ZSWIM5: variants seen among roughly 807,000 people sequenced by gnomAD.
ZSWIM5 encodes zinc finger SWIM-type containing 5.
Under a neutral mutation model 119.6 loss-of-function variants are expected in ZSWIM5, and 55 were observed. That is an observed-to-expected ratio of 0.46 (90% CI 0.37 to 0.58). The LOEUF is 0.58. ZSWIM5 is among the 20% of genes least tolerant of loss of function. The pLI is 0.00. For missense variants in ZSWIM5, 1,193 were observed against 1,512.8 expected, an observed-to-expected ratio of 0.79 and a Z score of 3.51; for synonymous variants, 537 against 606.9, an observed-to-expected ratio of 0.88 and a Z score of 1.69.
intron 2 of ZSWIM5, among the ~76,000 whole-genome samples, chr1:45,085,238 T>A (rs949480148): frequency 6.6e-6 from 1 of 152,182 alleles, no homozygotes; most frequent in Non-Finnish European, 1.5e-5. Context: ...CAGGGAGCAG[T>A]GTCCTAAGGA....
chr1:45,173,546 C>T (rs1398727988), intron 1 of ZSWIM5, among the ~76,000 whole-genome samples: 1 of 151,976 alleles, frequency 6.6e-6, no homozygotes, highest in Non-Finnish European at 1.5e-5. Context: ...TTTCACTGTG[C>T]ATAACTGAAC....
At position 45,120,492 on chromosome 1, in the gene ZSWIM5, T is replaced by C. The variant is rs111356699; in HGVS notation, c.596-32255A>G. ...GGGGCTACTTCTTCTTTCAAGGTAT[T>C]GCTCTGTTGCCCAGGCTGGAGAGTG... On this transcript the variant is annotated intron_variant, in intron 1 of 13. Coordinates refer to ENST00000359600, the MANE Select transcript of ZSWIM5 (RefSeq NM_020883.2). Among the ~76,000 whole-genome samples, 1,469 of 152,290 alleles carry C rather than the reference T, an allele frequency of 9.6e-3. 29 individuals carry two copies. Among genetic ancestry groups the C allele is most frequent in the African/African-American group, 0.034 (1,408 of 41,562 alleles).
chr1:45,096,741 G>A lies in ZSWIM5; in HGVS notation c.596-8504C>T, dbSNP rs1286821310. On this transcript the variant is annotated intron_variant, in intron 1 of 13. Coordinates refer to ENST00000359600, the MANE Select transcript of ZSWIM5 (RefSeq NM_020883.2). ...AAGAGATGCTTCATGCCGTTCTATG[G>A]CTTAGACAGCTTCCCTACCTGACCT... Among the ~76,000 whole-genome samples the A allele has an allele frequency of 2.6e-5, 4 of 152,244 alleles. No individual in the cohort carries two copies. In the East Asian group the frequency reaches 5.8e-4, roughly 22 times the overall value.
chr1:45,034,205 G>C, intron 11 of ZSWIM5, 107 bp downstream of exon 11: 2 of 1,347,246 alleles, frequency 1.5e-6, no homozygotes, highest in East Asian at 2.4e-5. Context: ...CACTCTAAAT[G>C]GTCAAGGAGC....
chr1:45,156,453 AT>A (rs1406122680), intron 1 of ZSWIM5, among the ~76,000 whole-genome samples: 572 of 3,852 alleles, frequency 0.15, 3 homozygotes, highest in African/African-American at 0.33. Context: ...AGTTGAAATT[AT>A]TTAAAAAAAA....
chr1:45,066,130 G>T (rs900546289), intron 2 of ZSWIM5, among the ~76,000 whole-genome samples: 5 of 149,048 alleles, frequency 3.4e-5, no homozygotes, highest in African/African-American at 1.2e-4. Flanking sequence ...TTTTGTCCTT[G>T]CGATAGTTTG....
intron 2 of ZSWIM5, 35 bp downstream of exon 2, chr1:45,087,846 G>T (rs1020280490): frequency 1.1e-5 from 17 of 1,494,454 alleles, no homozygotes; most frequent in Non-Finnish European, 1.5e-5. Context: ...TGATGAAAAA[G>T]ACCTTTTTTT....
intron 6 of ZSWIM5, among the ~76,000 whole-genome samples, chr1:45,042,226 A>G (rs2148993881): frequency 6.6e-6 from 1 of 152,300 alleles, no homozygotes; most frequent in Middle Eastern, 3.4e-3. Context: ...AAGTATTTAC[A>G]CTCCTATAAG....
At position 45,152,287 on chromosome 1, in the gene ZSWIM5, G is replaced by C. The variant is rs780731872; in HGVS notation, c.595+53469C>G. ...GAAGAGAAAGTCAAGAGTGGTTTCT[G>C]GGGGAACCAGTTACGCAAGTGCAAT... On this transcript the variant is annotated intron_variant, in intron 1 of 13. Transcript: ENST00000359600. 1.8e-4 allele frequency among the ~76,000 whole-genome samples: 27 copies of C among 152,172 alleles called. 1 individual carries two copies. The highest frequency in any genetic ancestry group is 1.5e-5 in the Non-Finnish European group (1 of 68,036).
At chr1:45,044,808 T>TATATATATAA (rs1645042857) in intron 5 of ZSWIM5, among the ~76,000 whole-genome samples, 9 of 9,658 alleles carry the variant, frequency 9.3e-4, no homozygotes, top group African/African-American at 3.3e-3. Flanking sequence ...TATATAAATA[T>TATATATATAA]ATATATATAT....
chr1:45,159,596 AT>A (rs34590999), intron 1 of ZSWIM5, among the ~76,000 whole-genome samples: 10 of 149,642 alleles, frequency 6.7e-5, no homozygotes, highest in South Asian at 2.1e-4. Context: ...TTATGATTCA[AT>A]TTTTTTTTTC....
At chr1:45,044,742 AAAAAATATAT>A (rs1645038709) in intron 5 of ZSWIM5, among the ~76,000 whole-genome samples, 1 of 9,528 alleles carries the variant, frequency 1.0e-4, no homozygotes, top group African/African-American at 2.5e-4. Flanking sequence ...AAAAAAAAAA[AAAAAATATAT>A]ATATATATAT....
intron 1 of ZSWIM5, among the ~76,000 whole-genome samples, chr1:45,104,914 G>A (rs1286091775): frequency 6.6e-6 from 1 of 152,184 alleles, no homozygotes; most frequent in Non-Finnish European, 1.5e-5. Flanking sequence ...CCGAAGCCCA[G>A]GTATTCACTT....
At position 45,194,892 on chromosome 1, in the gene ZSWIM5, G is replaced by C. The variant is rs141695376; in HGVS notation, c.595+10864C>G. On this transcript the variant is annotated intron_variant, in intron 1 of 13. Transcript: ENST00000359600. ...ACTCCGTCTCAAAAAAAAAAAAAGA[G>C]GTTAATCTAACTTGTAAGCAGTAAA... is the stretch of plus-strand genomic sequence containing the variant. 1.5e-4 allele frequency among the ~76,000 whole-genome samples: 23 copies of C among 151,596 alleles called. No individual in the cohort carries two copies. In the East Asian group the frequency reaches 4.3e-3, roughly 28 times the overall value.
intron 1 of ZSWIM5, among the ~76,000 whole-genome samples, chr1:45,149,255 C>A (rs767166782): frequency 6.6e-6 from 1 of 152,150 alleles, no homozygotes; most frequent in Non-Finnish European, 1.5e-5. Flanking sequence ...CAGAGCAAGA[C>A]CTTGTCTCTA....
At chr1:45,182,118 T>C (rs1646023410) in intron 1 of ZSWIM5, among the ~76,000 whole-genome samples, 1 of 152,184 alleles carries the variant, frequency 6.6e-6, no homozygotes, top group African/African-American at 2.4e-5. Context: ...AATGCTCCAA[T>C]TAAAAGACAC....
intron 1 of ZSWIM5, among the ~76,000 whole-genome samples, chr1:45,202,653 T>C (rs1176777017): frequency 6.6e-6 from 1 of 152,072 alleles, no homozygotes; most frequent in Non-Finnish European, 1.5e-5. Flanking sequence ...AGAAGGCCCC[T>C]GCATGCCTTT....
At chr1:45,064,593 TA>T (rs1645172538) in intron 2 of ZSWIM5, among the ~76,000 whole-genome samples, 1 of 152,230 alleles carries the variant, frequency 6.6e-6, no homozygotes, top group South Asian at 2.1e-4. Flanking sequence ...AGGCACTTTT[TA>T]TACATATACC....
intron 1 of ZSWIM5, among the ~76,000 whole-genome samples, chr1:45,127,011 C>A (rs920483359): frequency 1.4e-4 from 21 of 152,082 alleles, no homozygotes; most frequent in Non-Finnish European, 2.1e-4. Context: ...GCTGCCAAAT[C>A]ACTTTATTAA....
Sources: allele counts gnomAD v4.1 joint callset (sites outside exome capture counted in the v4.1 genomes callset), GRCh38; gene constraint gnomAD v4.1.1; transcripts MANE v1.5; gene names NCBI Gene and HGNC (gene_info 2026-07-23, HGNC 2026-07-21).